GBE1: variants seen among roughly 807,000 people sequenced by gnomAD.
GBE1 encodes the protein 1,4-alpha-glucan-branching enzyme.
GBE1 carries 70 observed loss-of-function variants against 88.8 expected under a neutral mutation model. The ratio of observed to expected loss-of-function variants is 0.79; its 90% CI spans 0.65 to 0.96. The LOEUF is 0.96. Ranked by LOEUF, GBE1 falls within the 40% of genes least tolerant of loss-of-function variation. GBE1 has a pLI of 0.00. For missense variants in GBE1, 872 were observed against 871.0 expected, an observed-to-expected ratio of 1.00 and a Z score of -0.01; for synonymous variants, 284 against 300.1, an observed-to-expected ratio of 0.95 and a Z score of 0.56.
intron 15 of GBE1, among the ~76,000 whole-genome samples, chr3:81,495,329 C>T (rs949504008): frequency 2.6e-5 from 4 of 152,128 alleles, no homozygotes; most frequent in Non-Finnish European, 5.9e-5. Context: ...GCAGAGGTTG[C>T]AGTGAGTCAA....
chr3:81,507,879 G>A (rs952298024), intron 14 of GBE1, among the ~76,000 whole-genome samples: 4 of 152,102 alleles, frequency 2.6e-5, no homozygotes, highest in Non-Finnish European at 5.9e-5. Flanking sequence ...AGTCTAGGAT[G>A]TGCTCATTTC....
intron 2 of GBE1, among the ~76,000 whole-genome samples, chr3:81,680,791 C>T (rs139826778): frequency 6.2e-4 from 95 of 152,290 alleles, no homozygotes; most frequent in Admixed American, 1.1e-3. Flanking sequence ...TTAAAGGAAT[C>T]CCAGAGAGCT....
Position 81,490,294 on chromosome 3 carries a change from G to C in GBE1, c.*113C>G, listed in dbSNP as rs1280646449. On this transcript the variant is annotated 3_prime_UTR_variant, in exon 16 of 16. Coordinates refer to ENST00000429644, the MANE Select transcript of GBE1 (RefSeq NM_000158.4). ...CAATATTGAATTTCAGACACTTGAT[G>C]GCTTGGCTAGACAACTGTATTCTGA... The C allele has an allele frequency of 1.0e-5, 9 of 876,416 alleles. No homozygotes were observed. The highest frequency in any genetic ancestry group is 1.7e-5 in the Non-Finnish European group (9 of 532,134). 54.3% of individuals were successfully genotyped at this position (876,416 alleles called of 1,614,324 possible).
chr3:81,670,643 A>T (rs1576193499), intron 3 of GBE1, among the ~76,000 whole-genome samples, 195 bp downstream of exon 3: 1 of 152,160 alleles, frequency 6.6e-6, no homozygotes, highest in East Asian at 1.9e-4. Context: ...TTGGTTCCTT[A>T]CCAGCCAAAC....
chr3:81,566,648 A>G (rs753260832), intron 12 of GBE1, among the ~76,000 whole-genome samples: 3 of 152,078 alleles, frequency 2.0e-5, no homozygotes, highest in Non-Finnish European at 4.4e-5. Flanking sequence ...TATTTTTTCA[A>G]ACATCTCTTA....
At chr3:81,568,608 A>G (rs1278014000) in intron 12 of GBE1, among the ~76,000 whole-genome samples, 1 of 152,202 alleles carries the variant, frequency 6.6e-6, no homozygotes, top group Non-Finnish European at 1.5e-5. Context: ...AACAATTCCT[A>G]GTACGGAATG....
intron 2 of GBE1, among the ~76,000 whole-genome samples, chr3:81,683,144 T>A (rs998196665): frequency 1.3e-5 from 2 of 152,220 alleles, no homozygotes; most frequent in African/African-American, 4.8e-5. Context: ...TTGAAAATGT[T>A]CTAAAATGAA....
chr3:81,722,137 C>G (rs1706043278), intron 1 of GBE1, among the ~76,000 whole-genome samples: 1 of 152,060 alleles, frequency 6.6e-6, no homozygotes, highest in Admixed American at 6.6e-5. Flanking sequence ...GAAAACTTAG[C>G]CGTTAGAATT....
chr3:81,728,043 G>A (rs1706136705), intron 1 of GBE1, among the ~76,000 whole-genome samples: 1 of 152,004 alleles, frequency 6.6e-6, no homozygotes, highest in African/African-American at 2.4e-5. Context: ...ATAAAAATTG[G>A]TTGCCTGGCA....
chr3:81,750,774 C>T (rs1480551517), intron 1 of GBE1, among the ~76,000 whole-genome samples: 4 of 146,572 alleles, frequency 2.7e-5, no homozygotes, highest in African/African-American at 1.0e-4. Flanking sequence ...TCCTCCTCCC[C>T]GGTCCAAGCG....
At chr3:81,522,946 C>T (rs1336521719) in intron 14 of GBE1, among the ~76,000 whole-genome samples, 1 of 151,402 alleles carries the variant, frequency 6.6e-6, no homozygotes, top group African/African-American at 2.4e-5. Flanking sequence ...AATGTAAAAA[C>T]ATTGAGTATT....
chr3:81,545,031 A>G (rs902725982), intron 12 of GBE1, among the ~76,000 whole-genome samples: 2 of 152,168 alleles, frequency 1.3e-5, no homozygotes, highest in Non-Finnish European at 2.9e-5. Context: ...AAAATAATGT[A>G]TAGTCCTAAT....
intron 1 of GBE1, among the ~76,000 whole-genome samples, chr3:81,735,709 C>A (rs769696735): frequency 6.6e-6 from 1 of 152,078 alleles, no homozygotes; most frequent in African/African-American, 2.4e-5. Flanking sequence ...TTTAGGAAAG[C>A]CTTGGAAGAT....
intron 14 of GBE1, among the ~76,000 whole-genome samples, chr3:81,511,051 C>T (rs1375602865): frequency 4.0e-5 from 6 of 151,788 alleles, no homozygotes; most frequent in Non-Finnish European, 1.5e-5. Flanking sequence ...ATCAGTTATG[C>T]TTTAAAACAA....
intron 12 of GBE1, among the ~76,000 whole-genome samples, chr3:81,544,603 G>A (rs768385609): frequency 6.6e-5 from 10 of 152,102 alleles, no homozygotes; most frequent in Admixed American, 1.3e-4. Context: ...ACGGAAGCCC[G>A]TAACTAACAT....
chr3:81,614,104 T>G (rs1704216896), intron 7 of GBE1, among the ~76,000 whole-genome samples: 1 of 152,176 alleles, frequency 6.6e-6, no homozygotes, highest in African/African-American at 2.4e-5. Context: ...AGCCTGAAAC[T>G]CCTGGGGTCA....
At chr3:81,491,795 T>A (rs1158944702) in intron 15 of GBE1, among the ~76,000 whole-genome samples, 1 of 152,120 alleles carries the variant, frequency 6.6e-6, no homozygotes, top group South Asian at 2.1e-4. Flanking sequence ...AGGAAAAAAC[T>A]CAAACAAATA....
intron 2 of GBE1, among the ~76,000 whole-genome samples, chr3:81,686,688 G>A (rs1705446738): frequency 6.6e-6 from 1 of 152,202 alleles, no homozygotes; most frequent in African/African-American, 2.4e-5. Context: ...CTGGGAGGCA[G>A]AGGTTGTGGT....
At chr3:81,575,286 C>G (rs1703632505) in intron 12 of GBE1, among the ~76,000 whole-genome samples, 1 of 151,832 alleles carries the variant, frequency 6.6e-6, no homozygotes, top group Non-Finnish European at 1.5e-5. Context: ...AAATACAAAT[C>G]TATTTATTCA....
Sources: gnomAD v4.1 joint callset for allele counts (sites outside exome capture counted in the v4.1 genomes callset) on GRCh38, gnomAD v4.1.1 for gene constraint, MANE v1.5 for transcripts, NCBI Gene and HGNC (gene_info 2026-07-23, HGNC 2026-07-21) for gene names.